Variants in ARPP21 observed in about 807,000 individuals in gnomAD.
The protein encoded by ARPP21 is cAMP regulated phosphoprotein 21, also known as cAMP-regulated phosphoprotein 21.
In ARPP21, 69 loss-of-function variants were observed where a neutral mutation model predicts 113.2. That is an observed-to-expected ratio of 0.61 (90% CI 0.50 to 0.74). ARPP21 has a LOEUF of 0.74. Among genes scored for constraint, ARPP21 ranks in the 30% least tolerant of loss-of-function variants. ARPP21 has a pLI of 0.00. For missense variants in ARPP21, 1,070 were observed against 1,037.4 expected (o/e 1.03, Z -0.43); for synonymous variants, 368 against 375.5 (o/e 0.98, Z 0.23).
intron 19 of ARPP21, among the ~76,000 whole-genome samples, chr3:35,768,779 A>G (rs2096080257): frequency 6.6e-6 from 1 of 152,222 alleles, no homozygotes; most frequent in Non-Finnish European, 1.5e-5. Context: ...TGTTATTACT[A>G]TAATCATTTT....
At chr3:35,792,214 G>GT (rs2096761391) in intron 19 of ARPP21, 168 bp from the exon 20 acceptor site, 1 of 654,832 alleles carries the variant, frequency 1.5e-6, no homozygotes, top group Non-Finnish European at 2.7e-6. Flanking sequence ...ACTCTTAGAA[G>GT]TAAAAAAAAG....
chr3:35,681,002 C>G (rs1364491501), intron 2 of ARPP21: 2 of 151,834 alleles, frequency 1.3e-5, no homozygotes, highest in South Asian at 4.1e-4. Flanking sequence ...GGAGAAGTAG[C>G]ATTTAGTTGG....
At chr3:35,651,209 T>G (rs1169094965) in intron 1 of ARPP21, among the ~76,000 whole-genome samples, 1 of 152,032 alleles carries the variant, frequency 6.6e-6, no homozygotes, top group African/African-American at 2.4e-5. Flanking sequence ...GATGCATTAT[T>G]TTTTCATTGG....
chr3:35,751,368 G>A (rs2095398048), intron 19 of ARPP21, among the ~76,000 whole-genome samples: 1 of 152,072 alleles, frequency 6.6e-6, no homozygotes, highest in East Asian at 1.9e-4. Flanking sequence ...TCAGAAGGAG[G>A]CCATGAAAAA....
At chr3:35,678,461 A>T (rs2078060991) in intron 1 of ARPP21, among the ~76,000 whole-genome samples, 1 of 152,018 alleles carries the variant, frequency 6.6e-6, no homozygotes, top group African/African-American at 2.4e-5. Flanking sequence ...AGCTATGGTG[A>T]AACTGATCAA....
chr3:35,759,672 CTCTCTG>C (rs988446581), intron 19 of ARPP21, among the ~76,000 whole-genome samples: 25 of 119,722 alleles, frequency 2.1e-4, no homozygotes, highest in Admixed American at 4.6e-4. Flanking sequence ...TTCATTTTCT[CTCTCTG>C]TGTGTGTGTG....
intron 14 of ARPP21, among the ~76,000 whole-genome samples, chr3:35,722,880 A>T (rs1302199133): frequency 6.6e-6 from 1 of 152,214 alleles, no homozygotes; most frequent in Non-Finnish European, 1.5e-5. Flanking sequence ...CACAATTAAA[A>T]TACCTCCTAA....
At chr3:35,679,997 A>C (rs572663487) in intron 2 of ARPP21, 37 bp downstream of exon 2, 7 of 152,374 alleles carry the variant, frequency 4.6e-5, no homozygotes, top group Admixed American at 2.6e-4. Context: ...TCTCATCTGC[A>C]TTTTAGATTT....
Position 35,681,790 on chromosome 3 carries a change from G to A in ARPP21, c.39G>A (p.Glu13=), listed in dbSNP as rs1172092390. The part of the protein sequence containing the change: ...EQGDLNQAIA[E]EGGTEQETAT... ...GAGACCTGAATCAGGCAATAGCAGA[G>A]GAAGGAGGGACTGAGCAGGAGACGG... Residue 13 remains glutamate (E), a synonymous_variant, in exon 3 of 21, where the codon GAG becomes GAA. Transcript: ENST00000684406. 1.2e-6 allele frequency: 2 copies of A among 1,611,636 alleles called. No individual in the cohort carries two copies. Among genetic ancestry groups the A allele is most frequent in the African/African-American group, 2.7e-5 (2 of 74,772 alleles).
intron 1 of ARPP21, among the ~76,000 whole-genome samples, chr3:35,644,259 GTAGTGCCT>G (rs1699317174): frequency 6.6e-6 from 1 of 151,806 alleles, no homozygotes; most frequent in Non-Finnish European, 1.5e-5. Flanking sequence ...TTGATTATTT[GTAGTGCCT>G]TAGTCTTATA....
chr3:35,759,059 A>G (rs1201806984), intron 19 of ARPP21, among the ~76,000 whole-genome samples: 1 of 152,082 alleles, frequency 6.6e-6, no homozygotes, highest in East Asian at 1.9e-4. Flanking sequence ...AAAGTAATGT[A>G]TTAATTTGGC....
intron 1 of ARPP21, among the ~76,000 whole-genome samples, chr3:35,657,920 G>A (rs927234650): frequency 1.3e-5 from 2 of 152,118 alleles, no homozygotes; most frequent in African/African-American, 4.8e-5. Context: ...GGCTTCTATA[G>A]TTAATTTGAT....
intron 19 of ARPP21, among the ~76,000 whole-genome samples, chr3:35,750,115 C>CTTTT (rs57509420): frequency 1.1e-5 from 1 of 92,554 alleles, no homozygotes. Context: ...GTTTATTTCG[C>CTTTT]TTTTTTTTTT....
At chr3:35,707,228 C>A in intron 10 of ARPP21, 146 bp downstream of exon 10, 1 of 658,062 alleles carries the variant, frequency 1.5e-6, no homozygotes, top group Non-Finnish European at 2.7e-6. Flanking sequence ...CCTCCTTCTC[C>A]TCCTTCCCTC....
At chr3:35,646,391 C>A (rs995045418) in intron 1 of ARPP21, among the ~76,000 whole-genome samples, 1 of 152,036 alleles carries the variant, frequency 6.6e-6, no homozygotes, top group Non-Finnish European at 1.5e-5. Flanking sequence ...TGATGGAAAT[C>A]CCAGCGTTGC....
intron 15 of ARPP21, among the ~76,000 whole-genome samples, chr3:35,734,895 A>T (rs1418987652): frequency 6.6e-6 from 1 of 152,188 alleles, no homozygotes; most frequent in Non-Finnish European, 1.5e-5. Flanking sequence ...AATCAGTGTG[A>T]CTTCACTCAG....
intron 13 of ARPP21, among the ~76,000 whole-genome samples, chr3:35,717,661 T>C (rs1234469683): frequency 6.6e-6 from 1 of 152,100 alleles, no homozygotes; most frequent in Non-Finnish European, 1.5e-5. Flanking sequence ...TACACTGAGT[T>C]AAATTTTCAC....
rs760283524 is a variant in ARPP21, at chr3:35,793,803, A to G, written c.2389A>G (p.Met797Val). 3 of 1,614,164 alleles carry G rather than the reference A, an allele frequency of 1.9e-6. No individual in the cohort carries two copies. The highest frequency in any genetic ancestry group is 1.7e-6 in the Non-Finnish European group (2 of 1,180,020). Residue 797 changes from methionine (M) to valine (V), a missense_variant, in exon 21 of 21, where the codon ATG (methionine) becomes GTG (valine). Transcript: ENST00000684406. ...TCAAGGGTCACTCCCAGCCACTGGA[A>G]TGCCTGTTTACTGTAATGTCACACC... ...AGQGSLPATGMPVYCNVTPPT... is the reference protein window; with the variant it reads ...AGQGSLPATGVPVYCNVTPPT...
intron 2 of ARPP21, among the ~76,000 whole-genome samples, chr3:35,680,323 T>C (rs1345044250): frequency 6.6e-6 from 1 of 151,914 alleles, no homozygotes; most frequent in Non-Finnish European, 1.5e-5. Context: ...GGATGAAATA[T>C]CCTAAAACCT....
Sources: allele counts gnomAD v4.1 joint callset (sites outside exome capture counted in the v4.1 genomes callset), GRCh38; gene constraint gnomAD v4.1.1; transcripts MANE v1.5; gene names NCBI Gene and HGNC (gene_info 2026-07-23, HGNC 2026-07-21).